The following ASPH variants were observed in gnomAD, a reference collection of about 807,000 sequenced individuals.
ASPH encodes the protein aspartyl/asparaginyl beta-hydroxylase.
In ASPH, 100 loss-of-function variants were observed where a neutral mutation model predicts 118.4. That is an observed-to-expected ratio of 0.84 (90% confidence interval 0.72 to 1.00). The LOEUF is 1.00. Ranked by LOEUF, ASPH falls within the 50% of genes least tolerant of loss-of-function variation. The pLI, the probability that ASPH is intolerant of heterozygous loss-of-function variation, is 0.00. For synonymous variants in ASPH, 315 were observed against 325.6 expected (o/e 0.97, Z 0.35); for missense variants, 920 against 919.5 (o/e 1.00, Z -0.01).
intron 15 of ASPH, chr8:61,579,470 C>T (rs1468418374): frequency 5.6e-5 from 90 of 1,604,792 alleles, no homozygotes; most frequent in Middle Eastern, 1.9e-4. Context: ...AGACCACCAG[C>T]GGCTATGCAG....
At chr8:61,564,447 C>T (rs1328742865) in intron 17 of ASPH, among the ~76,000 whole-genome samples, 3 of 151,922 alleles carry the variant, frequency 2.0e-5, no homozygotes, top group Non-Finnish European at 2.9e-5. Flanking sequence ...TACAGGTGCC[C>T]GCCACTATGC....
At chr8:61,509,685 G>A (rs1363281986) in intron 24 of ASPH, among the ~76,000 whole-genome samples, 3 of 152,194 alleles carry the variant, frequency 2.0e-5, no homozygotes, top group African/African-American at 7.2e-5. Flanking sequence ...AGATGGAGCT[G>A]CTCTGGTTCA....
rs1804749216 is a variant in ASPH, at chr8:61,500,848, T to TTAA, written c.*2508_*2510dup. 1 of 152,106 alleles carries TTAA rather than the reference T, an allele frequency of 6.6e-6. No individual in the cohort carries two copies. Among genetic ancestry groups the TTAA allele is most frequent in the Admixed American group, 6.5e-5 (1 of 15,270 alleles). 9.4% of individuals were successfully genotyped at this position (152,106 alleles called of 1,614,324 possible). On this transcript the variant is annotated 3_prime_UTR_variant, in exon 25 of 25. Transcript: ENST00000379454. ...ACATTATTTTAAATATTTGGGAGAG[T>TTAA]TAATTTGTTAGCTAAATAATTCAAG...
intron 3 of ASPH, chr8:61,664,452 C>T (rs1818471611): frequency 1.0e-6 from 1 of 983,464 alleles, no homozygotes; most frequent in Admixed American, 6.2e-5. Context: ...CTTCTAAATA[C>T]AATTCTCCCC....
intron 14 of ASPH, among the ~76,000 whole-genome samples, chr8:61,586,582 A>G (rs1474665705): frequency 1.3e-5 from 2 of 152,190 alleles, no homozygotes; most frequent in African/African-American, 2.4e-5. Flanking sequence ...TCGCCCGGCC[A>G]CACACTATAC....
chr8:61,669,703 G>A (rs982898602), intron 3 of ASPH, among the ~76,000 whole-genome samples: 10 of 152,038 alleles, frequency 6.6e-5, no homozygotes, highest in Admixed American at 5.9e-4. Flanking sequence ...TTCTAGTACC[G>A]CTATGTTCCC....
intron 20 of ASPH, among the ~76,000 whole-genome samples, chr8:61,550,902 C>A (rs1825763634): frequency 2.0e-5 from 3 of 152,142 alleles, no homozygotes; most frequent in Admixed American, 2.0e-4. Context: ...CCATAGCTGG[C>A]CCTGACTAGA....
At chr8:61,522,453 C>T (rs1268698853) in intron 22 of ASPH, among the ~76,000 whole-genome samples, 1 of 152,114 alleles carries the variant, frequency 6.6e-6, no homozygotes, top group Non-Finnish European at 1.5e-5. Context: ...ACGTCATTTT[C>T]TCATCCCTAG....
chr8:61,703,059 A>C (rs1442195796), intron 1 of ASPH, among the ~76,000 whole-genome samples: 1 of 152,236 alleles, frequency 6.6e-6, no homozygotes, highest in Admixed American at 6.5e-5. Flanking sequence ...ATATATAAAA[A>C]GGACAATTCA....
chr8:61,665,431 T>C (rs1302463658), intron 3 of ASPH: 2 of 1,599,980 alleles, frequency 1.3e-6, no homozygotes, highest in East Asian at 4.5e-5. Context: ...CTTTCTCTTT[T>C]TCTCTGTCCT....
chr8:61,693,559 G>C (rs890896784), intron 1 of ASPH, among the ~76,000 whole-genome samples: 1 of 152,108 alleles, frequency 6.6e-6, no homozygotes, highest in Non-Finnish European at 1.5e-5. Context: ...CAACTCTGCA[G>C]ACACAAGTCA....
Position 61,548,218 on chromosome 8 carries a change from C to A in ASPH, c.1627-10G>T, listed in dbSNP as rs756323308. The A allele has an allele frequency of 2.0e-5, 33 of 1,610,686 alleles. No individual in the cohort carries two copies. The highest frequency in any genetic ancestry group is 3.3e-4 in the Middle Eastern group (2 of 6,076). ...CATACCACTTATATGCCTGAAGGAA[C>A]AGAAAGAATGTGCTCCAAACTGTTC... On this transcript the variant is annotated splice_polypyrimidine_tract_variant and intron_variant, in intron 20 of 24. Transcript: ENST00000379454.
intron 4 of ASPH, 130 bp downstream of exon 4, chr8:61,653,438 A>G: frequency 1.2e-6 from 1 of 818,972 alleles, no homozygotes; most frequent in South Asian, 2.0e-5. Flanking sequence ...ATTTCAGAAG[A>G]GAAAAAAAGT....
chr8:61,614,463 A>G (rs1353418082), intron 14 of ASPH, among the ~76,000 whole-genome samples: 3 of 152,204 alleles, frequency 2.0e-5, no homozygotes, highest in Non-Finnish European at 4.4e-5. Context: ...TGAATTTGTC[A>G]AAGTACAGCT....
rs1202441901 is a variant in ASPH at position 61,660,104 on chromosome 8, T to G, written c.323-6444A>C. On this transcript the variant is annotated intron_variant, in intron 3 of 24. Coordinates refer to ENST00000379454, the MANE Select transcript of ASPH (RefSeq NM_004318.4). Reference sequence around the variant, plus strand: ...ATGAATGATTCCATCACTCAGGTAATGAGCATAGTATCCAATAGTTAGTTT... The same window carrying G: ...ATGAATGATTCCATCACTCAGGTAAGGAGCATAGTATCCAATAGTTAGTTT... 3.9e-5 allele frequency: 6 copies of G among 152,258 alleles called. No homozygotes were observed. The East Asian group carries it at 1.2e-3, about 29-fold the overall frequency. 9.4% of individuals were successfully genotyped at this position (152,258 alleles called of 1,614,324 possible). A position where few individuals can be genotyped will look rare whatever the true frequency, so the allele number is the denominator to read the frequency against.
At chr8:61,638,112 T>C in intron 11 of ASPH, 109 bp from the exon 12 acceptor site, 5 of 1,247,832 alleles carry the variant, frequency 4.0e-6, no homozygotes, top group Middle Eastern at 2.2e-4. Flanking sequence ...TCCACTCAGA[T>C]TGCTAAATTT....
chr8:61,617,724 G>T (rs1849503878), intron 14 of ASPH, among the ~76,000 whole-genome samples: 2 of 151,992 alleles, frequency 1.3e-5, no homozygotes, highest in Admixed American at 6.6e-5. Flanking sequence ...ACAAGGCCAG[G>T]AGTTTGAGAC....
intron 10 of ASPH, among the ~76,000 whole-genome samples, chr8:61,640,360 G>A (rs1010259051): frequency 2.0e-5 from 3 of 152,170 alleles, no homozygotes; most frequent in Non-Finnish European, 4.4e-5. Context: ...AGTGCTCAAA[G>A]GTGAAGATGA....
intron 14 of ASPH, among the ~76,000 whole-genome samples, chr8:61,614,117 C>T (rs534925381): frequency 6.6e-6 from 1 of 151,850 alleles, no homozygotes; most frequent in African/African-American, 2.4e-5. Context: ...TTTGTTAGGG[C>T]CCTGATTATG....
Sources: gnomAD v4.1 joint callset for allele counts (sites outside exome capture counted in the v4.1 genomes callset) on GRCh38, gnomAD v4.1.1 for gene constraint, MANE v1.5 for transcripts, NCBI Gene and HGNC (gene_info 2026-07-23, HGNC 2026-07-21) for gene names.